Variants in COL26A1 observed in about 807,000 individuals in gnomAD.
COL26A1 encodes the protein collagen type XXVI alpha 1 chain, also known as collagen alpha-1(XXVI) chain.
In COL26A1, 41 loss-of-function variants were observed where a neutral mutation model predicts 59.3. The ratio of observed to expected loss-of-function variants is 0.69; its 90% confidence interval spans 0.54 to 0.90. The LOEUF is 0.90. Ranked by LOEUF, COL26A1 falls within the 40% of genes least tolerant of loss-of-function variation. COL26A1 has a pLI of 0.00. For missense variants in COL26A1, 612 were observed against 602.3 expected, an observed-to-expected ratio of 1.02 and a Z score of -0.17; for synonymous variants, 266 against 256.0, an observed-to-expected ratio of 1.04 and a Z score of -0.37.
intron 5 of COL26A1, among the ~76,000 whole-genome samples, chr7:101,543,446 AT>A (rs1236024938): frequency 3.3e-5 from 5 of 151,830 alleles, no homozygotes; most frequent in Admixed American, 6.6e-5. Context: ...CTGAGCAAAC[AT>A]TTTTCAGCAT....
intron 2 of COL26A1, among the ~76,000 whole-genome samples, chr7:101,445,751 AAAAG>A (rs1233742983): frequency 2.4e-5 from 3 of 126,984 alleles, no homozygotes; most frequent in African/African-American, 9.2e-5. Context: ...AAAAAAAAAA[AAAAG>A]AGAGTGAGGG....
chr7:101,492,896 C>T (rs1563010234), intron 3 of COL26A1, among the ~76,000 whole-genome samples: 2 of 151,874 alleles, frequency 1.3e-5, no homozygotes, highest in African/African-American at 2.4e-5. Context: ...TGCACCACCA[C>T]GCCCAGCTAA....
intron 1 of COL26A1, among the ~76,000 whole-genome samples, chr7:101,417,786 A>C (rs1024815260): frequency 6.6e-6 from 1 of 151,726 alleles, no homozygotes; most frequent in African/African-American, 2.4e-5. Flanking sequence ...CAGTGGTGCG[A>C]TCTCGGCTCA....
At chr7:101,539,322 G>A (rs543793300) in intron 4 of COL26A1, among the ~76,000 whole-genome samples, 17 of 146,878 alleles carry the variant, frequency 1.2e-4, no homozygotes, top group South Asian at 2.1e-4. Flanking sequence ...GTGTGTGTGC[G>A]TATGTGTGTG....
At chr7:101,375,911 G>A (rs928985842) in intron 1 of COL26A1, among the ~76,000 whole-genome samples, 23 of 150,882 alleles carry the variant, frequency 1.5e-4, no homozygotes, top group African/African-American at 5.3e-4. Context: ...GCATGAACCC[G>A]GGAGGCGGTG....
chr7:101,435,845 C>T (rs753057548), intron 2 of COL26A1, among the ~76,000 whole-genome samples: 5 of 152,190 alleles, frequency 3.3e-5, no homozygotes, highest in Admixed American at 6.5e-5. Context: ...AGGGATTTGC[C>T]GGAACTCTCC....
intron 2 of COL26A1, among the ~76,000 whole-genome samples, chr7:101,439,277 G>T (rs78017110): frequency 0.011 from 1,697 of 152,166 alleles, 17 homozygotes; most frequent in East Asian, 0.037. Flanking sequence ...GGCAGATGTG[G>T]TGGGAGACCT....
chr7:101,435,729 G>C (rs1166332360), intron 2 of COL26A1, among the ~76,000 whole-genome samples: 6 of 152,198 alleles, frequency 3.9e-5, no homozygotes, highest in Non-Finnish European at 8.8e-5. Flanking sequence ...GGACTCGGGG[G>C]GTTAAGTTTT....
chr7:101,429,097 T>C (rs903733121), intron 2 of COL26A1, among the ~76,000 whole-genome samples: 3 of 151,868 alleles, frequency 2.0e-5, no homozygotes, highest in Admixed American at 6.6e-5. Context: ...CTAATTTTTG[T>C]ATTTTTAGTA....
At chr7:101,469,617 G>A (rs947436154) in intron 3 of COL26A1, among the ~76,000 whole-genome samples, 6 of 151,994 alleles carry the variant, frequency 3.9e-5, no homozygotes, top group Admixed American at 6.6e-5. Context: ...AGCCTCCTGA[G>A]TAGCTGGGAT....
intron 3 of COL26A1, among the ~76,000 whole-genome samples, chr7:101,463,367 A>G (rs749911793): frequency 2.6e-5 from 4 of 152,078 alleles, no homozygotes; most frequent in Non-Finnish European, 5.9e-5. Flanking sequence ...AGGCTGAATG[A>G]TATTCCACTG....
intron 12 of COL26A1, 22 bp downstream of exon 12, chr7:101,555,893 C>T (rs377390559): frequency 2.6e-5 from 41 of 1,577,246 alleles, no homozygotes; most frequent in Admixed American, 1.3e-4. Context: ...CCAGGATCAG[C>T]GGGCTGGGAA....
chr7:101,432,035 A>C (rs1792795697), intron 2 of COL26A1, among the ~76,000 whole-genome samples: 1 of 147,416 alleles, frequency 6.8e-6, no homozygotes. Context: ...ATCTTGGCTC[A>C]CTGTAACAGT....
At chr7:101,536,809 T>C (rs1795492404) in intron 4 of COL26A1, among the ~76,000 whole-genome samples, 1 of 152,236 alleles carries the variant, frequency 6.6e-6, no homozygotes, top group South Asian at 2.1e-4. Context: ...GAAGCCAGGC[T>C]CTTCGCTGAC....
chr7:101,513,388 G>A (rs11766133), intron 3 of COL26A1, among the ~76,000 whole-genome samples: 30,282 of 149,996 alleles, frequency 0.2, 3,738 homozygotes, highest in African/African-American at 0.35. Flanking sequence ...GTGCAGCAGC[G>A]TGATCTTGGC....
At chr7:101,448,189 G>A (rs869127) in intron 3 of COL26A1, among the ~76,000 whole-genome samples, 30,773 of 152,222 alleles carry the variant, frequency 0.2, 7,723 homozygotes, top group African/African-American at 0.6. Flanking sequence ...TTGAGGCCAC[G>A]TATTTTGTAG....
At chr7:101,390,328 G>A (rs10255040) in intron 1 of COL26A1, among the ~76,000 whole-genome samples, 28,657 of 151,536 alleles carry the variant, frequency 0.19, 2,873 homozygotes, top group African/African-American at 0.26. Flanking sequence ...GGGTTTCACC[G>A]TGTTGGCCAG....
chr7:101,527,406 A>G (rs1362469145), intron 3 of COL26A1, among the ~76,000 whole-genome samples: 2 of 149,754 alleles, frequency 1.3e-5, no homozygotes, highest in Non-Finnish European at 3.0e-5. Flanking sequence ...CGGCTCACTG[A>G]AACCTCTGCC....
In COL26A1 at chr7:101,394,869, CTTTTTTTTT is replaced by C. The variant is rs61005447; in HGVS notation, c.159-25094_159-25086del. 1.2e-4 allele frequency among the ~76,000 whole-genome samples: 12 copies of C among 97,044 alleles called. No homozygotes were observed. In the Admixed American group the frequency reaches 1.4e-3, roughly 11 times the overall value. The allele number at this position is 97,044 out of a possible 152,430, so 63.7% of individuals were successfully genotyped here. On this transcript the variant is annotated intron_variant, in intron 1 of 12. Coordinates refer to ENST00000313669, the MANE Select transcript of COL26A1 (RefSeq NM_001278563.3). ...CCATAAAGCGGTTTCTTTTTCTTTT[CTTTTTTTTT>C]TTTTTTTTTTTTTGAGACAGAGTCT...
Sources: allele counts gnomAD v4.1 joint callset (sites outside exome capture counted in the v4.1 genomes callset), GRCh38; gene constraint gnomAD v4.1.1; transcripts MANE v1.5; gene names NCBI Gene and HGNC (gene_info 2026-07-23, HGNC 2026-07-21).